The following PCDHA2 variants were observed in gnomAD, a reference collection of about 807,000 sequenced individuals.
PCDHA2 encodes protocadherin alpha 2, also known as protocadherin alpha-2.
A neutral mutation model predicts 66.0 loss-of-function variants in PCDHA2; 58 were observed. The observed-to-expected ratio is 0.88, with a 90% CI of 0.71 to 1.09. The LOEUF is 1.09. Among genes scored for constraint, PCDHA2 ranks in the 50% least tolerant of loss-of-function variants. The pLI, the probability that PCDHA2 is intolerant of heterozygous loss-of-function variation, is 0.00. For missense variants in PCDHA2, 1,267 were observed against 1,242.3 expected (o/e 1.02, Z -0.30); for synonymous variants, 634 against 554.0 (o/e 1.14, Z -2.03).
intron 1 of PCDHA2, among the ~76,000 whole-genome samples, chr5:140,912,892 A>T (rs1554195590): frequency 2.0e-5 from 3 of 152,210 alleles, no homozygotes. Context: ...TTCTGTTGAT[A>T]TGATGTATCA....
intron 1 of PCDHA2, among the ~76,000 whole-genome samples, chr5:140,961,708 A>C (rs2095630610): frequency 6.6e-6 from 1 of 152,204 alleles, no homozygotes; most frequent in Non-Finnish European, 1.5e-5. Flanking sequence ...GAATGCCTTC[A>C]TTTCTAAGTG....
chr5:140,952,948 A>AG (rs1177459807), intron 1 of PCDHA2, among the ~76,000 whole-genome samples: 39 of 152,028 alleles, frequency 2.6e-4, no homozygotes, highest in African/African-American at 8.5e-4. Context: ...GAGAGAGAGA[A>AG]GGGGGAAGTG....
chr5:140,841,694 G>C, intron 1 of PCDHA2: 1 of 1,613,934 alleles, frequency 6.2e-7, no homozygotes. Context: ...GGAGGTGAAG[G>C]ATGTTAATGA....
At chr5:140,869,812 G>A (rs2051440753) in intron 1 of PCDHA2, 1 of 1,612,340 alleles carries the variant, frequency 6.2e-7, no homozygotes, top group East Asian at 2.2e-5. Flanking sequence ...GGATGTCAAC[G>A]ACAATGATCC....
At chr5:140,890,217 G>T (rs2153429721) in intron 1 of PCDHA2, among the ~76,000 whole-genome samples, 1 of 152,142 alleles carries the variant, frequency 6.6e-6, no homozygotes, top group South Asian at 2.1e-4. Context: ...TTTTCCCAGA[G>T]ACCTAGTTGT....
intron 1 of PCDHA2, chr5:140,867,094 A>T (rs1289520469): frequency 6.6e-6 from 1 of 152,180 alleles, no homozygotes; most frequent in Admixed American, 6.5e-5. Flanking sequence ...GTTGGAAATT[A>T]ACACCTAAAT....
At chr5:140,807,395 G>GC (rs782764363) in intron 1 of PCDHA2, 1 of 994,818 alleles carries the variant, frequency 1.0e-6, no homozygotes, top group Non-Finnish European at 1.4e-6. Context: ...GGCGTCCAAG[G>GC]GCCGCGGAGG....
At chr5:140,871,662 A>G in intron 1 of PCDHA2, 1 of 1,211,512 alleles carries the variant, frequency 8.3e-7, no homozygotes, top group Non-Finnish European at 1.1e-6. Context: ...ACACATCTTC[A>G]GTCTTTTAAT....
chr5:140,824,329 A>T (rs1581809489), intron 1 of PCDHA2: 1 of 658,076 alleles, frequency 1.5e-6, no homozygotes, highest in African/African-American at 1.8e-5. Context: ...TTTCTGTGAT[A>T]TTAAGTGTTT....
intron 1 of PCDHA2, chr5:140,807,861 C>T (rs1764047058): frequency 1.2e-6 from 2 of 1,614,094 alleles, no homozygotes; most frequent in Non-Finnish European, 1.7e-6. Context: ...TTGACTGGCA[C>T]CGTTCAGTTA....
intron 1 of PCDHA2, among the ~76,000 whole-genome samples, chr5:140,937,911 CA>C (rs200797202): frequency 0.5 from 59,181 of 117,836 alleles, 12,230 homozygotes; most frequent in African/African-American, 0.63. Flanking sequence ...GACTCCGTCT[CA>C]AAAAAAAAAA....
chr5:140,841,344 A>G, intron 1 of PCDHA2: 5 of 1,612,282 alleles, frequency 3.1e-6, no homozygotes, highest in Non-Finnish European at 4.2e-6. Flanking sequence ...TGGCGAGGAG[A>G]GCTGGGATCC....
intron 1 of PCDHA2, chr5:140,927,857 G>A: frequency 6.2e-7 from 1 of 1,614,172 alleles, no homozygotes; most frequent in African/African-American, 1.3e-5. Context: ...GGTTTAGCTA[G>A]CACCGCTAAA....
intron 1 of PCDHA2, chr5:140,822,351 G>A (rs2150115751): frequency 9.9e-6 from 16 of 1,614,112 alleles, no homozygotes; most frequent in Non-Finnish European, 1.4e-5. Context: ...ACTTTTTAGA[G>A]CTGGTTTTGA....
intron 1 of PCDHA2, chr5:140,801,661 A>AGG: frequency 6.2e-7 from 1 of 1,614,202 alleles, no homozygotes; most frequent in African/African-American, 1.3e-5. Flanking sequence ...TTTTCGCTAG[A>AGG]GGGCGCATCA....
chr5:140,840,693 G>A (rs1776820788), intron 1 of PCDHA2, among the ~76,000 whole-genome samples: 1 of 152,026 alleles, frequency 6.6e-6, no homozygotes, highest in Non-Finnish European at 1.5e-5. Flanking sequence ...AAATAAAACG[G>A]TTCAGGCAAT....
intron 1 of PCDHA2, chr5:140,849,576 G>T (rs2150441030): frequency 6.3e-7 from 1 of 1,598,698 alleles, no homozygotes; most frequent in East Asian, 2.2e-5. Context: ...TCCTGTAAAA[G>T]AGGACGCACA....
At chr5:140,890,822 A>G (rs1044008204) in intron 1 of PCDHA2, among the ~76,000 whole-genome samples, 1 of 152,186 alleles carries the variant, frequency 6.6e-6, no homozygotes, top group Non-Finnish European at 1.5e-5. Context: ...TTTTAAATGT[A>G]CTTACATATT....
chr5:140,857,042 C>A, intron 1 of PCDHA2: 1 of 1,595,550 alleles, frequency 6.3e-7, no homozygotes, highest in South Asian at 1.1e-5. Flanking sequence ...TATGGTTGGT[C>A]ACTGCACGGT....
Sources: allele counts gnomAD v4.1 joint callset (sites outside exome capture counted in the v4.1 genomes callset), GRCh38; gene constraint gnomAD v4.1.1; transcripts MANE v1.5; gene names NCBI Gene and HGNC (gene_info 2026-07-23, HGNC 2026-07-21).